The following DMRTA2 variants were observed in gnomAD, a reference collection of about 807,000 sequenced individuals.
The protein encoded by DMRTA2 is DMRT like family A2.
DMRTA2 carries 10 observed loss-of-function variants against 29.7 expected under a neutral mutation model. That is an observed-to-expected ratio of 0.34 (90% CI 0.21 to 0.57). The LOEUF (loss-of-function observed/expected upper bound fraction) is 0.57. Among genes scored for constraint, DMRTA2 ranks in the 20% least tolerant of loss-of-function variants. The pLI is 0.87. For synonymous variants in DMRTA2, 469 were observed against 402.6 expected (o/e 1.16, Z -1.97); for missense variants, 783 against 812.1 (o/e 0.96, Z 0.44).
At position 50,419,056 on chromosome 1, in the gene DMRTA2, G is replaced by C. The variant is rs1646013348; in HGVS notation, c.1238C>G (p.Pro413Arg). 1 of 1,305,178 alleles carries C rather than the reference G, an allele frequency of 7.7e-7. No homozygotes were observed. The highest frequency in any genetic ancestry group is 9.7e-7 in the Non-Finnish European group (1 of 1,030,432). The allele number at this position is 1,305,178 out of a possible 1,614,324, so 80.8% of individuals were successfully genotyped here. ...GGCCAGCAAGGGTCTGTGGTGCGGAGGTGCGGCGGGCCCCGCCTGCAGCGG... is the reference window on the plus strand; with the variant it reads ...GGCCAGCAAGGGTCTGTGGTGCGGACGTGCGGCGGGCCCCGCCTGCAGCGG... ...PAPLQAGPAA[P>R]PHHRPLLAGA... Residue 413 changes from proline to arginine, a missense_variant, in exon 3 of 3, where the codon CCT (proline) becomes CGT (arginine). By Grantham distance (103) the Pro-to-Arg change is moderately radical (BLOSUM62 -2). Around this residue, in one of 3 missense-constraint regions of DMRTA2, gnomAD observed 667 missense variants for 624.8 expected, o/e 1.07. Transcript: ENST00000404795. This position sits in a 1 kb window ranked among gnomAD's most constrained non-coding sequence, Gnocchi z 6.1.
Position 50,421,031 on chromosome 1 carries a change from C to G in DMRTA2, c.506G>C (p.Gly169Ala). The G allele has an allele frequency of 1.3e-6, 2 of 1,511,176 alleles. No homozygotes were observed. The highest frequency in any genetic ancestry group is 1.8e-6 in the Non-Finnish European group (2 of 1,136,348). The allele number at this position is 1,511,176 out of a possible 1,614,324, so 93.6% of individuals were successfully genotyped here. Residue 169 changes from glycine (G) to alanine (A), a missense_variant, in exon 2 of 3, where the codon GGA becomes GCA. By Grantham distance (60) the Gly-to-Ala change is moderately conservative. Coordinates refer to ENST00000404795, the MANE Select transcript of DMRTA2 (RefSeq NM_032110.3). The surrounding 1 kb of genome is among the most constrained non-coding windows in gnomAD (Gnocchi z 8.7). ...SVCAADGGGPGAGAPAGTGGG... is the reference protein window; with the variant it reads ...SVCAADGGGPAAGAPAGTGGG... ...TCCGGTCCCCGCGGGCGCTCCCGCT[C>G]CAGGTCCCCCGCCGTCGGCGGCGCA...
chr1:50,419,771 G>A lies in DMRTA2; in HGVS notation c.560-37C>T. 1 of 1,435,630 alleles carries A rather than the reference G, an allele frequency of 7.0e-7. No individual in the cohort carries two copies. Among genetic ancestry groups the A allele is most frequent in the South Asian group, 1.5e-5 (1 of 65,234 alleles). 88.9% of individuals were successfully genotyped at this position (1,435,630 alleles called of 1,614,324 possible). A position where few individuals can be genotyped will look rare whatever the true frequency, so the allele number is the denominator to read the frequency against. ...GAAAACGTGTCGTGAGGAGCGGTTA[G>A]CTAGAAGACAGCAGTCACAGCACCT... On this transcript the variant is annotated intron_variant, in intron 2 of 2. Coordinates refer to ENST00000404795, the MANE Select transcript of DMRTA2 (RefSeq NM_032110.3). The surrounding 1 kb of genome is among the most constrained non-coding windows in gnomAD (Gnocchi z 6.1).
rs765942260 is a variant in DMRTA2, at chr1:50,418,863, G to T, written c.1431C>A (p.Ser477Arg). 14 of 1,538,616 alleles carry T rather than the reference G, an allele frequency of 9.1e-6. No homozygotes were observed. The Admixed American group carries it at 1.3e-4, about 14-fold the overall frequency. Residue 477 changes from serine (S) to arginine (R), a missense_variant, in exon 3 of 3, where the codon AGC becomes AGA. Physicochemically the swap from Ser to Arg is moderately radical, Grantham distance 110. Around this residue, in one of 3 missense-constraint regions of DMRTA2, gnomAD observed 667 missense variants for 624.8 expected, o/e 1.07. Transcript: ENST00000404795. ...AGGGCGCCATGAAGGCCAGACCGCG[G>T]CTGTGCGCCGCCGCCGCGGAGTAGG... ...RLAYSAAAAH[S>R]RGLAFMAPYS...
chr1:50,419,223 GC>G lies in DMRTA2; in HGVS notation c.1070del (p.Gly357AlafsTer76). Reference protein sequence around the residue: ...IEQVLNHHRGGLAAGLGPAAP... With the variant: ...IEQVLNHHRGXLAAGLGPAAP... ...CCGCAGGGCCCAGGCCGGCCGCCAG[GC>G]CCCCACGGTGGTGGTTCAGCACCTG... On this transcript the variant is annotated frameshift_variant, in exon 3 of 3. Coordinates refer to ENST00000404795, the MANE Select transcript of DMRTA2 (RefSeq NM_032110.3). LOFTEE classifies it high-confidence loss of function. This position sits in a 1 kb window ranked among gnomAD's most constrained non-coding sequence, Gnocchi z 6.1. The G allele has an allele frequency of 6.7e-7, 1 of 1,490,990 alleles. No homozygotes were observed. The highest frequency in any genetic ancestry group is 1.3e-5 in the South Asian group (1 of 77,234). The allele number at this position is 1,490,990 out of a possible 1,614,324, so 92.4% of individuals were successfully genotyped here.
Position 50,421,405 on chromosome 1 carries a change from C to T in DMRTA2, c.132G>A (p.Val44=), listed in dbSNP as rs2148965847. Residue 44 remains valine, a synonymous_variant, in exon 2 of 3, where the codon GTG becomes GTA. Transcript: ENST00000404795. The surrounding 1 kb of genome is among the most constrained non-coding windows in gnomAD (Gnocchi z 8.7). ...CCCGCAGCAAGCCGCCTGCCACGCT[C>T]ACCGGTAGCGATGCAGCGGCCGCCG... is the stretch of plus-strand genomic sequence containing the variant. ...AAAAAAASLP[V]SVAGGLLRGP... 2 of 1,450,188 alleles carry T rather than the reference C, an allele frequency of 1.4e-6. No homozygotes were observed. Among genetic ancestry groups the T allele is most frequent in the Non-Finnish European group, 1.8e-6 (2 of 1,101,654 alleles). The allele number at this position is 1,450,188 out of a possible 1,614,324, so 89.8% of individuals were successfully genotyped here.
Position 50,418,937 on chromosome 1 carries a change from C to T in DMRTA2, c.1357G>A (p.Gly453Ser), listed in dbSNP as rs1029533248. 4 of 1,439,330 alleles carry T rather than the reference C, an allele frequency of 2.8e-6. No individual in the cohort carries two copies. The allele number at this position is 1,439,330 out of a possible 1,614,324, so 89.2% of individuals were successfully genotyped here. A position where few individuals can be genotyped will look rare whatever the true frequency, so the allele number is the denominator to read the frequency against. Residue 453 changes from glycine (G) to serine (S), a missense_variant, in exon 3 of 3, where the codon GGC becomes AGC. Physicochemically the swap from Gly to Ser is moderately conservative, Grantham distance 56 (BLOSUM62 0). Around this residue, in one of 3 missense-constraint regions of DMRTA2, gnomAD observed 667 missense variants for 624.8 expected, o/e 1.07. Transcript: ENST00000404795. ...AGCGGCGCGCCCAGCGGGTAGGCGC[C>T]CGCGTCGGCACCGAAGTGACTGGCG... Reference protein sequence around the residue: ...PNASHFGADAGAYPLGAPLGL... With the variant: ...PNASHFGADASAYPLGAPLGL...
rs1449249420 is a variant in DMRTA2, at chr1:50,422,371, T to C, written c.-9+745A>G. ...AAAATTCGGCCAAAGAAACTTTCTG[T>C]ATAGGCAAACCCAGCCCAAAGATGA... On this transcript the variant is annotated intron_variant, in intron 1 of 2. Coordinates refer to ENST00000404795, the MANE Select transcript of DMRTA2 (RefSeq NM_032110.3). The surrounding 1 kb of genome is among the most constrained non-coding windows in gnomAD (Gnocchi z 5.7). Among the ~76,000 whole-genome samples the C allele has an allele frequency of 6.6e-6, 1 of 152,080 alleles. No homozygotes were observed.
Position 50,419,815 on chromosome 1 carries a change from T to C in DMRTA2, c.560-81A>G. ...AGCACCTCGGCCCTTTGGATCTCAGTTTCCTCTCCCTCAGCCCCACAGCCC... is the reference window on the plus strand; with the variant it reads ...AGCACCTCGGCCCTTTGGATCTCAGCTTCCTCTCCCTCAGCCCCACAGCCC... On this transcript the variant is annotated intron_variant, in intron 2 of 2. Transcript: ENST00000404795. This position sits in a 1 kb window ranked among gnomAD's most constrained non-coding sequence, Gnocchi z 6.1. 8.2e-7 allele frequency: 1 copy of C among 1,220,384 alleles called. No homozygotes were observed. The highest frequency in any genetic ancestry group is 1.1e-6 in the Non-Finnish European group (1 of 912,604). The allele number at this position is 1,220,384 out of a possible 1,614,324, so 75.6% of individuals were successfully genotyped here. A position where few individuals can be genotyped will look rare whatever the true frequency, so the allele number is the denominator to read the frequency against.
chr1:50,419,100 C>A lies in DMRTA2; in HGVS notation c.1194G>T (p.Gly398=). The part of the protein sequence containing the change: ...DAAAAAAAAA[G]GPGLPAPLQA... Reference sequence around the variant, plus strand: ...GCAGCGGCGCAGGCAGCCCAGGCCCCCCGGCGGCGGCGGCGGCGGCGGCGG... The same window carrying A: ...GCAGCGGCGCAGGCAGCCCAGGCCCACCGGCGGCGGCGGCGGCGGCGGCGG... The change falls in exon 3 of 3, where the codon GGG becomes GGT. Residue 398 remains glycine (G), a synonymous_variant. Transcript: ENST00000404795. The surrounding 1 kb of genome is among the most constrained non-coding windows in gnomAD (Gnocchi z 6.1). 8.3e-7 allele frequency: 1 copy of A among 1,203,868 alleles called. No individual in the cohort carries two copies. The highest frequency in any genetic ancestry group is 4.1e-5 in the South Asian group (1 of 24,416). The allele number at this position is 1,203,868 out of a possible 1,614,324, so 74.6% of individuals were successfully genotyped here.
At position 50,422,262 on chromosome 1, in the gene DMRTA2, A is replaced by G. The variant is rs529806933; in HGVS notation, c.-8-718T>C. On this transcript the variant is annotated intron_variant, in intron 1 of 2. Coordinates refer to ENST00000404795, the MANE Select transcript of DMRTA2 (RefSeq NM_032110.3). This position sits in a 1 kb window ranked among gnomAD's most constrained non-coding sequence, Gnocchi z 5.7. Reference sequence around the variant, plus strand: ...TGGGACCCGTAAAAATGTGAGCGCCAAAAGTTCCACGGTGAGGGCCTCCAG... The same window carrying G: ...TGGGACCCGTAAAAATGTGAGCGCCGAAAGTTCCACGGTGAGGGCCTCCAG... 5.3e-5 allele frequency among the ~76,000 whole-genome samples: 8 copies of G among 152,330 alleles called. No homozygotes were observed. Among genetic ancestry groups the G allele is most frequent in the African/African-American group, 1.9e-4 (8 of 41,576 alleles).
rs751742435 is a variant in DMRTA2, at chr1:50,419,615, C to T, written c.679G>A (p.Gly227Arg). 4.6e-6 allele frequency: 7 copies of T among 1,530,824 alleles called. No individual in the cohort carries two copies. The South Asian group carries it at 5.0e-5, about 11-fold the overall frequency. 94.8% of individuals were successfully genotyped at this position (1,530,824 alleles called of 1,614,324 possible). ...LSPDGADSGP[G>R]TSSPEVRPGS... Reference sequence around the variant, plus strand: ...GGCCGCACCTCTGGGGACGACGTCCCGGGCCCCGAGTCTGCGCCGTCGGGT... The same window carrying T: ...GGCCGCACCTCTGGGGACGACGTCCTGGGCCCCGAGTCTGCGCCGTCGGGT... The change falls in exon 3 of 3, where the codon GGG becomes AGG. Residue 227 changes from glycine (G) to arginine (R), a missense_variant. By Grantham distance (125) the Gly-to-Arg change is moderately radical (BLOSUM62 -2). Around this residue, in one of 3 missense-constraint regions of DMRTA2, gnomAD observed 667 missense variants for 624.8 expected, o/e 1.07. Coordinates refer to ENST00000404795, the MANE Select transcript of DMRTA2 (RefSeq NM_032110.3). This position sits in a 1 kb window ranked among gnomAD's most constrained non-coding sequence, Gnocchi z 6.1.
In DMRTA2 at chr1:50,419,710, A is replaced by T; in HGVS notation, c.584T>A (p.Leu195Gln). 1 of 1,486,594 alleles carries T rather than the reference A, an allele frequency of 6.7e-7. No homozygotes were observed. The highest frequency in any genetic ancestry group is 8.9e-7 in the Non-Finnish European group (1 of 1,122,348). The allele number at this position is 1,486,594 out of a possible 1,614,324, so 92.1% of individuals were successfully genotyped here. ...TGCCTGCAGCAGCGTCTTAGGAAACAGGTCAAACTTCTGCAACTTGGCCTC... is the reference window on the plus strand; with the variant it reads ...TGCCTGCAGCAGCGTCTTAGGAAACTGGTCAAACTTCTGCAACTTGGCCTC... Reference protein sequence around the residue: ...GSEAKLQKFDLFPKTLLQAGR... With the variant: ...GSEAKLQKFDQFPKTLLQAGR... The change falls in exon 3 of 3, where the codon CTG becomes CAG. Residue 195 changes from leucine (L) to glutamine (Q), a missense_variant. Leu to Gln is a moderately radical substitution (Grantham distance 113). This residue lies in a region of DMRTA2 where 667 missense variants were observed against 624.8 expected (regional missense o/e 1.07). Coordinates refer to ENST00000404795, the MANE Select transcript of DMRTA2 (RefSeq NM_032110.3). The surrounding 1 kb of genome is among the most constrained non-coding windows in gnomAD (Gnocchi z 6.1).
Position 50,421,028 on chromosome 1 carries a change from G to A in DMRTA2, c.509C>T (p.Ala170Val). 1 of 1,508,970 alleles carries A rather than the reference G, an allele frequency of 6.6e-7. No individual in the cohort carries two copies. The allele number at this position is 1,508,970 out of a possible 1,614,324, so 93.5% of individuals were successfully genotyped here. A position where few individuals can be genotyped will look rare whatever the true frequency, so the allele number is the denominator to read the frequency against. Residue 170 changes from alanine (A) to valine (V), a missense_variant, in exon 2 of 3, where the codon GCG becomes GTG. Around this residue, in one of 3 missense-constraint regions of DMRTA2, gnomAD observed 667 missense variants for 624.8 expected, o/e 1.07. Coordinates refer to ENST00000404795, the MANE Select transcript of DMRTA2 (RefSeq NM_032110.3). The surrounding 1 kb of genome is among the most constrained non-coding windows in gnomAD (Gnocchi z 8.7). The stretch of plus-strand genomic sequence containing the variant: ...GCCTCCGGTCCCCGCGGGCGCTCCC[G>A]CTCCAGGTCCCCCGCCGTCGGCGGC... The part of the protein sequence containing the change: ...VCAADGGGPG[A>V]GAPAGTGGGA...
Position 50,419,229 on chromosome 1 carries a change from A to G in DMRTA2, c.1065T>C (p.Arg355=), listed in dbSNP as rs1646016435. 2 of 1,487,760 alleles carry G rather than the reference A, an allele frequency of 1.3e-6. No individual in the cohort carries two copies. Among genetic ancestry groups the G allele is most frequent in the African/African-American group, 2.9e-5 (2 of 68,538 alleles). 92.2% of individuals were successfully genotyped at this position (1,487,760 alleles called of 1,614,324 possible). The stretch of plus-strand genomic sequence containing the variant: ...GGCCCAGGCCGGCCGCCAGGCCCCC[A>G]CGGTGGTGGTTCAGCACCTGCTCGA... ...QAIEQVLNHH[R]GGLAAGLGPA... is the part of the protein sequence containing the mutation. The change falls in exon 3 of 3, where the codon CGT becomes CGC. Residue 355 remains arginine (R), a synonymous_variant. Transcript: ENST00000404795. The surrounding 1 kb of genome is among the most constrained non-coding windows in gnomAD (Gnocchi z 6.1).
In DMRTA2 at chr1:50,419,175, C is replaced by T; in HGVS notation, c.1119G>A (p.Val373=). The T allele has an allele frequency of 7.5e-7, 1 of 1,338,034 alleles. No homozygotes were observed. The highest frequency in any genetic ancestry group is 9.5e-7 in the Non-Finnish European group (1 of 1,050,838). 82.9% of individuals were successfully genotyped at this position (1,338,034 alleles called of 1,614,324 possible). The change falls in exon 3 of 3, where the codon GTG becomes GTA. Residue 373 remains valine, a synonymous_variant. Coordinates refer to ENST00000404795, the MANE Select transcript of DMRTA2 (RefSeq NM_032110.3). This position sits in a 1 kb window ranked among gnomAD's most constrained non-coding sequence, Gnocchi z 6.1. ...CGTCGTCTGCAGCTGCTGCAGCACCCACGGCGGCCTTATCTGGGGGCGCCG... is the reference window on the plus strand; with the variant it reads ...CGTCGTCTGCAGCTGCTGCAGCACCTACGGCGGCCTTATCTGGGGGCGCCG... ...GPAAPPDKAA[V]GAAAAADDAW...
rs781478910 is a variant in DMRTA2, at chr1:50,418,894, C to G, written c.1400G>C (p.Arg467Pro). ...LGAPLGLSPL[R>P]LAYSAAAAHS... is the part of the protein sequence containing the mutation. Reference sequence around the variant, plus strand: ...CGCCGCCGCCGCGGAGTAGGCCAGGCGCAGGGGGCTGAGGCCGAGCGGCGC... The same window carrying G: ...CGCCGCCGCCGCGGAGTAGGCCAGGGGCAGGGGGCTGAGGCCGAGCGGCGC... Residue 467 changes from arginine to proline, a missense_variant, in exon 3 of 3, where the codon CGC becomes CCC. By Grantham distance (103) the Arg-to-Pro change is moderately radical. This residue lies in a region of DMRTA2 where 667 missense variants were observed against 624.8 expected (regional missense o/e 1.07). Transcript: ENST00000404795. 5 of 1,483,348 alleles carry G rather than the reference C, an allele frequency of 3.4e-6. No individual in the cohort carries two copies. The South Asian group carries it at 6.7e-5, about 20-fold the overall frequency. The allele number at this position is 1,483,348 out of a possible 1,614,324, so 91.9% of individuals were successfully genotyped here.
Position 50,420,955 on chromosome 1 carries a change from C to T in DMRTA2, c.559+23G>A. 1.4e-6 allele frequency: 2 copies of T among 1,434,578 alleles called. No individual in the cohort carries two copies. Among genetic ancestry groups the T allele is most frequent in the Non-Finnish European group, 1.8e-6 (2 of 1,104,502 alleles). The allele number at this position is 1,434,578 out of a possible 1,614,324, so 88.9% of individuals were successfully genotyped here. ...AGAGCTACGATCCTGCTGCCCCTACCTGCGGCCTGGCCGCGCTCTCACCTG... is the reference window on the plus strand; with the variant it reads ...AGAGCTACGATCCTGCTGCCCCTACTTGCGGCCTGGCCGCGCTCTCACCTG... On this transcript the variant is annotated intron_variant, in intron 2 of 2. Transcript: ENST00000404795. The surrounding 1 kb of genome is among the most constrained non-coding windows in gnomAD (Gnocchi z 4.1).
At position 50,419,128 on chromosome 1, in the gene DMRTA2, G is replaced by T. The variant is rs970160280; in HGVS notation, c.1166C>A (p.Ala389Asp). ...GGCGGCGGCGGCGGCGGCGGCGGCG[G>T]CGTCGACGCGGCTGGGCCACGCGTC... is the stretch of plus-strand genomic sequence containing the variant. Reference protein sequence around the residue: ...ADDAWPSRVDAAAAAAAAAGG... With the variant: ...ADDAWPSRVDDAAAAAAAAGG... The change falls in exon 3 of 3, where the codon GCC (alanine) becomes GAC (aspartate). Residue 389 changes from alanine to aspartate, a missense_variant. By Grantham distance (126) the Ala-to-Asp change is moderately radical. This residue lies in a region of DMRTA2 where 667 missense variants were observed against 624.8 expected (regional missense o/e 1.07). Transcript: ENST00000404795. The surrounding 1 kb of genome is among the most constrained non-coding windows in gnomAD (Gnocchi z 6.1). 7.9e-6 allele frequency: 9 copies of T among 1,138,632 alleles called. No individual in the cohort carries two copies. In the South Asian group the frequency reaches 1.3e-4, roughly 17 times the overall value. The allele number at this position is 1,138,632 out of a possible 1,614,324, so 70.5% of individuals were successfully genotyped here.
rs187611709 is a variant in DMRTA2, at chr1:50,422,966, C to T, written c.-9+150G>A. On this transcript the variant is annotated intron_variant, in intron 1 of 2. Transcript: ENST00000404795. The surrounding 1 kb of genome is among the most constrained non-coding windows in gnomAD (Gnocchi z 5.7). ...CGCGACAGAGTCCTTGTGTCTCCGT[C>T]CGAGAGTCCCAGACCTCCTCTCTAT... 1.3e-5 allele frequency: 2 copies of T among 152,584 alleles called. No individual in the cohort carries two copies. Among genetic ancestry groups the T allele is most frequent in the Non-Finnish European group, 2.9e-5 (2 of 68,322 alleles). The allele number at this position is 152,584 out of a possible 1,614,324, so 9.5% of individuals were successfully genotyped here.
Sources: gnomAD v4.1 joint callset for allele counts (sites outside exome capture counted in the v4.1 genomes callset) on GRCh38, gnomAD v4.1.1 for gene constraint, gnomAD v4.1.1 regional missense constraint, Gnocchi (gnomAD v3.1) non-coding constraint, MANE v1.5 for transcripts, NCBI Gene and HGNC (gene_info 2026-07-23, HGNC 2026-07-21) for gene names.